LRRC37A2: variants seen among roughly 807,000 people sequenced by gnomAD.
The protein encoded by LRRC37A2 is leucine-rich repeat-containing protein 37A2.
In LRRC37A2, 9 loss-of-function variants were observed where a neutral mutation model predicts 68.8. The ratio of observed to expected loss-of-function variants is 0.13; its 90% CI spans 0.08 to 0.23. The LOEUF (loss-of-function observed/expected upper bound fraction) is 0.23, where lower values mean the gene tolerates loss of function less well. Ranked by LOEUF, LRRC37A2 falls within the 10% of genes least tolerant of loss-of-function variation. The pLI is 1.00. For missense variants in LRRC37A2, 168 were observed against 950.4 expected, an observed-to-expected ratio of 0.18 and a Z score of 10.82; for synonymous variants, 63 against 367.6, an observed-to-expected ratio of 0.17 and a Z score of 9.48.
At chr17:47,045,648 A>C in the LRRC37A2 span, among the ~76,000 whole-genome samples, 1 of 149,520 alleles carries the variant, frequency 6.7e-6, no homozygotes, top group East Asian at 2.0e-4. Context: ...AGCCACAACA[A>C]TAAATTAATC....
At chr17:46,829,574 G>C in the LRRC37A2 span, among the ~76,000 whole-genome samples, 2 of 152,174 alleles carry the variant, frequency 1.3e-5, no homozygotes, top group Non-Finnish European at 2.9e-5. Context: ...CAGGCTCCCT[G>C]AGTGTGTTTC....
the LRRC37A2 span, among the ~76,000 whole-genome samples, chr17:47,011,181 C>T: frequency 1.6e-3 from 241 of 152,312 alleles, no homozygotes; most frequent in African/African-American, 5.4e-3. Flanking sequence ...TAGCAACATA[C>T]ACCTACTTTA....
chr17:46,944,318 T>C, the LRRC37A2 span, among the ~76,000 whole-genome samples: 1 of 152,356 alleles, frequency 6.6e-6, no homozygotes, highest in Non-Finnish European at 1.5e-5. Flanking sequence ...ATGCAGAGCC[T>C]GGCTTCAAGT....
chr17:46,978,991 A>T, the LRRC37A2 span: 1 of 1,427,772 alleles, frequency 7.0e-7, no homozygotes, highest in Non-Finnish European at 9.1e-7. Context: ...GCTGTGGTTC[A>T]GGAAGGTCGC....
At chr17:47,045,065 A>G in the LRRC37A2 span, among the ~76,000 whole-genome samples, 25,795 of 134,736 alleles carry the variant, frequency 0.19, 3,285 homozygotes, top group East Asian at 0.56. Flanking sequence ...ATATAACAAA[A>G]TGCTGGGTTA....
At chr17:46,716,819 C>A in the LRRC37A2 span, among the ~76,000 whole-genome samples, 1 of 152,188 alleles carries the variant, frequency 6.6e-6, no homozygotes, top group South Asian at 2.1e-4. Flanking sequence ...CATATACCCC[C>A]TCCCTTATAT....
At chr17:46,708,817 TA>T in the LRRC37A2 span, among the ~76,000 whole-genome samples, 2 of 108,188 alleles carry the variant, frequency 1.8e-5, no homozygotes, top group Non-Finnish European at 1.8e-5. Flanking sequence ...TATATATATA[TA>T]TATATTTTTT....
the LRRC37A2 span, among the ~76,000 whole-genome samples, chr17:46,962,852 G>A: frequency 1.3e-5 from 2 of 152,206 alleles, no homozygotes; most frequent in East Asian, 3.8e-4. Flanking sequence ...TAGTTATGCA[G>A]TTATAGATAA....
the LRRC37A2 span, chr17:47,028,426 G>C: frequency 3.0e-6 from 3 of 992,082 alleles, no homozygotes; most frequent in Non-Finnish European, 4.8e-6. Context: ...TACAATTATT[G>C]GGTAGCTGGG....
the LRRC37A2 span, among the ~76,000 whole-genome samples, chr17:46,916,238 G>A: frequency 1.3e-5 from 2 of 152,190 alleles, no homozygotes; most frequent in South Asian, 4.1e-4. Flanking sequence ...TCTTGCCTCT[G>A]ATCAATATAG....
the LRRC37A2 span, among the ~76,000 whole-genome samples, chr17:47,048,047 CT>C: frequency 2.5e-3 from 338 of 136,406 alleles, 4 homozygotes; most frequent in African/African-American, 4.5e-3. Context: ...TTTTTCAAAA[CT>C]TTTTTTTTTT....
the LRRC37A2 span, among the ~76,000 whole-genome samples, chr17:46,817,155 C>G: frequency 6.6e-6 from 1 of 152,238 alleles, no homozygotes; most frequent in Non-Finnish European, 1.5e-5. Flanking sequence ...CACCCAGACA[C>G]AAATGCTGCC....
the LRRC37A2 span, chr17:46,885,385 C>G: frequency 5.9e-6 from 1 of 168,828 alleles, no homozygotes; most frequent in African/African-American, 2.4e-5. Context: ...TCACTGCAAC[C>G]TCCACCTCCC....
chr17:46,722,151 G>A, the LRRC37A2 span: 1 of 1,611,868 alleles, frequency 6.2e-7, no homozygotes, highest in East Asian at 2.2e-5. Context: ...CACGATCTTG[G>A]CGCTCGAACT....
the LRRC37A2 span, among the ~76,000 whole-genome samples, chr17:46,894,414 C>T: frequency 6.6e-6 from 1 of 152,234 alleles, no homozygotes; most frequent in East Asian, 1.9e-4. Context: ...TGTAGGTTTA[C>T]ACAGAAGGTC....
chr17:47,042,153 T>G, the LRRC37A2 span: 1 of 143,420 alleles, frequency 7.0e-6, no homozygotes, highest in East Asian at 2.1e-4. Flanking sequence ...ACAGACTAAT[T>G]AACTATTTAA....
At chr17:46,691,868 T>A in the LRRC37A2 span, among the ~76,000 whole-genome samples, 7 of 151,208 alleles carry the variant, frequency 4.6e-5, no homozygotes, top group African/African-American at 1.7e-4. Flanking sequence ...TTTTCCTGCC[T>A]CAGCCTCCAG....
chr17:46,995,102 G>A, the LRRC37A2 span, among the ~76,000 whole-genome samples: 209 of 152,282 alleles, frequency 1.4e-3, 1 homozygote, highest in Middle Eastern at 3.4e-3. Context: ...CAGTCTGGGT[G>A]ACAGAGTGAG....
the LRRC37A2 span, among the ~76,000 whole-genome samples, chr17:46,879,336 G>A: frequency 6.6e-6 from 1 of 152,256 alleles, no homozygotes; most frequent in East Asian, 1.9e-4. Context: ...GAGCTGGTAA[G>A]CACATGTCCG....
Sources: gnomAD v4.1 joint callset for allele counts (sites outside exome capture counted in the v4.1 genomes callset) on GRCh38, gnomAD v4.1.1 for gene constraint, MANE v1.5 for transcripts, NCBI Gene and HGNC (gene_info 2026-07-23, HGNC 2026-07-21) for gene names.